Variants in DST observed in about 807,000 individuals in gnomAD.
DST encodes the protein dystonin.
In DST, 253 loss-of-function variants were observed where a neutral mutation model predicts 875.2. The observed-to-expected ratio is 0.29, with a 90% CI of 0.26 to 0.32. The LOEUF (loss-of-function observed/expected upper bound fraction) is 0.32. DST is among the 10% of genes least tolerant of loss of function. DST has a pLI of 1.00. For missense variants in DST, 8,287 were observed against 9,111.6 expected (o/e 0.91, Z 3.68); for synonymous variants, 3,124 against 3,197.1 (o/e 0.98, Z 0.77).
Position 56,471,221 on chromosome 6 carries a change from G to A in DST, c.22206C>T (p.Tyr7402=), listed in dbSNP as rs368918310. 8.1e-6 allele frequency: 13 copies of A among 1,599,228 alleles called. No individual in the cohort carries two copies. Among genetic ancestry groups the A allele is most frequent in the African/African-American group, 4.0e-5 (3 of 74,718 alleles). Residue 7402 remains tyrosine, a synonymous_variant, in exon 95 of 104, where the codon TAC becomes TAT. Transcript: ENST00000680361. ...NFDFDIWRKK[Y]MRWMNHKKSR... is the part of the protein sequence containing the mutation. ...ATTTCTTGTGATTCATCCATCGCATGTATTTTTTGCGCCAGATATCAAAAT... is the reference window on the plus strand; with the variant it reads ...ATTTCTTGTGATTCATCCATCGCATATATTTTTTGCGCCAGATATCAAAAT...
At position 56,746,929 on chromosome 6, in the gene DST, G is replaced by A. The variant is rs112272207; in HGVS notation, c.626-11640C>T. Among the ~76,000 whole-genome samples, 550 of 152,260 alleles carry A rather than the reference G, an allele frequency of 3.6e-3. 2 individuals carry two copies. Among genetic ancestry groups the A allele is most frequent in the African/African-American group, 0.013 (527 of 41,558 alleles). On this transcript the variant is annotated intron_variant, in intron 4 of 103. Transcript: ENST00000680361. ...GACTGGACTTGCTCTTAGGCTGATG[G>A]CTGCAGGAGGGAAGGCAAAGGGGAG...
intron 81 of DST, 68 bp downstream of exon 81, chr6:56,497,788 T>G: frequency 7.3e-7 from 1 of 1,370,440 alleles, no homozygotes; most frequent in Non-Finnish European, 9.8e-7. Context: ...TGTGAACTAA[T>G]AAAAGAATTC....
Position 56,611,439 on chromosome 6 carries a change from C to G in DST, c.5147+69G>C, listed in dbSNP as rs1443135779. The G allele has an allele frequency of 2.8e-6, 3 of 1,064,538 alleles. No homozygotes were observed. The African/African-American group carries it at 4.7e-5, about 17-fold the overall frequency. The allele number at this position is 1,064,538 out of a possible 1,614,324, so 65.9% of individuals were successfully genotyped here. The stretch of plus-strand genomic sequence containing the variant: ...ACATTGCAATTAAAATTTACCACCT[C>G]TGTTTTGCTGAAAGCTTTTAAGAAT... On this transcript the variant is annotated intron_variant, in intron 38 of 103. Coordinates refer to ENST00000680361, the MANE Select transcript of DST (RefSeq NM_001374736.1).
intron 4 of DST, among the ~76,000 whole-genome samples, chr6:56,755,575 G>C (rs980809078): frequency 6.6e-6 from 1 of 152,054 alleles, no homozygotes; most frequent in African/African-American, 2.4e-5. Flanking sequence ...ATCAAGGCTT[G>C]ATCACAGGTC....
At chr6:56,872,484 T>C (rs1158305177) in intron 3 of DST, among the ~76,000 whole-genome samples, 2 of 152,046 alleles carry the variant, frequency 1.3e-5, no homozygotes, top group Non-Finnish European at 2.9e-5. Context: ...ATGGCACCAC[T>C]GCACTCTAGC....
intron 4 of DST, among the ~76,000 whole-genome samples, chr6:56,837,759 G>T (rs1280546292): frequency 6.6e-6 from 1 of 151,990 alleles, no homozygotes; most frequent in African/African-American, 2.4e-5. Flanking sequence ...TCCTCTTGGA[G>T]TTTTCCTCCC....
intron 3 of DST, among the ~76,000 whole-genome samples, chr6:56,877,616 G>A (rs1431455983): frequency 6.6e-6 from 1 of 152,188 alleles, no homozygotes; most frequent in Non-Finnish European, 1.5e-5. Flanking sequence ...CTGTGGCACA[G>A]AGCAAACAAT....
intron 36 of DST, chr6:56,616,223 G>A: frequency 6.2e-7 from 1 of 1,614,078 alleles, no homozygotes. Flanking sequence ...TTTGACCAAG[G>A]CTTTGTCAAT....
chr6:56,685,393 T>G (rs1052455992), intron 9 of DST, among the ~76,000 whole-genome samples: 3 of 152,012 alleles, frequency 2.0e-5, no homozygotes, highest in Non-Finnish European at 4.4e-5. Flanking sequence ...AACAAACATA[T>G]GAAAAAATGC....
Position 56,515,499 on chromosome 6 carries a change from G to A in DST, c.18527C>T (p.Ala6176Val), listed in dbSNP as rs1231799370. ...ETQSIISQLP[A>V]PALEYETLRQ... ...TAGAGTTTCATATTCAAGGGCTGGG[G>A]CGGGAAGCTGAGAGATGATTGATTG... The change falls in exon 72 of 104, where the codon GCC (alanine) becomes GTC (valine). Residue 6176 changes from alanine to valine, a missense_variant. Ala to Val is a moderately conservative substitution (Grantham distance 64). This residue lies in a region of DST where 1,292 missense variants were observed against 1,552.7 expected (regional missense o/e 0.83). Transcript: ENST00000680361. 26 of 1,613,930 alleles carry A rather than the reference G, an allele frequency of 1.6e-5. No individual in the cohort carries two copies. Among genetic ancestry groups the A allele is most frequent in the Non-Finnish European group, 2.2e-5 (26 of 1,179,852 alleles).
rs1339694439 is a variant in DST at position 56,856,312 on chromosome 6, G to C, written c.418-4708C>G. Among the ~76,000 whole-genome samples, 6 of 152,248 alleles carry C rather than the reference G, an allele frequency of 3.9e-5. No individual in the cohort carries two copies. In the East Asian group the frequency reaches 1.2e-3, roughly 29 times the overall value. On this transcript the variant is annotated intron_variant, in intron 3 of 103. Coordinates refer to ENST00000680361, the MANE Select transcript of DST (RefSeq NM_001374736.1). ...TAGGAAAGTGCCAAGAAATTGTCTT[G>C]GCAATAGGCATTCTCTACAGGCAAC...
rs1308940790 is a variant in DST, at chr6:56,851,227, GC to G, written c.625+169del. ...TAGTCACCAGCAGGCAGGGCAAATGGCTCTATCGGTAAAACAAGGCATAAAG... is the reference window on the plus strand; with the variant it reads ...TAGTCACCAGCAGGCAGGGCAAATGGTCTATCGGTAAAACAAGGCATAAAG... On this transcript the variant is annotated intron_variant, in intron 4 of 103. Coordinates refer to ENST00000680361, the MANE Select transcript of DST (RefSeq NM_001374736.1). The G allele has an allele frequency of 9.2e-6, 6 of 652,722 alleles. No homozygotes were observed. In the South Asian group the frequency reaches 1.3e-4, roughly 14 times the overall value. The allele number at this position is 652,722 out of a possible 1,614,324, so 40.4% of individuals were successfully genotyped here. A position where few individuals can be genotyped will look rare whatever the true frequency, so the allele number is the denominator to read the frequency against.
chr6:56,843,433 C>G, intron 4 of DST: 1 of 1,047,094 alleles, frequency 9.6e-7, no homozygotes, highest in African/African-American at 1.7e-5. Flanking sequence ...TCAGCGAGCC[C>G]AGGGGCGGCG....
intron 4 of DST, among the ~76,000 whole-genome samples, chr6:56,809,085 C>G (rs1212863140): frequency 6.6e-6 from 1 of 152,158 alleles, no homozygotes; most frequent in Admixed American, 6.6e-5. Flanking sequence ...GAGGACTCTA[C>G]ACTATTGACT....
At chr6:56,664,278 T>C (rs1009952599) in intron 10 of DST, among the ~76,000 whole-genome samples, 4 of 152,224 alleles carry the variant, frequency 2.6e-5, no homozygotes, top group Non-Finnish European at 5.9e-5. Context: ...CTTTCATTAA[T>C]GTTCTAAGGC....
chr6:56,747,501 C>G (rs1563986222), intron 4 of DST, among the ~76,000 whole-genome samples: 1 of 152,154 alleles, frequency 6.6e-6, no homozygotes, highest in Non-Finnish European at 1.5e-5. Flanking sequence ...CCTACCTGAG[C>G]ATCCTAAAAA....
intron 22 of DST, 144 bp downstream of exon 22, chr6:56,639,115 G>A: frequency 1.4e-6 from 1 of 736,748 alleles, no homozygotes; most frequent in Non-Finnish European, 2.4e-6. Flanking sequence ...AAGGCAATCA[G>A]TACAATTTGT....
At chr6:56,854,554 A>T (rs1210888229) in intron 3 of DST, among the ~76,000 whole-genome samples, 61 of 152,218 alleles carry the variant, frequency 4.0e-4, no homozygotes, top group Admixed American at 4.0e-3. Flanking sequence ...ATAAAGAATG[A>T]TTTCTTAAAA....
chr6:56,727,868 G>A (rs2099472094), intron 5 of DST, among the ~76,000 whole-genome samples: 1 of 152,192 alleles, frequency 6.6e-6, no homozygotes, highest in Non-Finnish European at 1.5e-5. Flanking sequence ...GAGCCAGGAA[G>A]GACGAAGGAC....
Sources: allele counts gnomAD v4.1 joint callset (sites outside exome capture counted in the v4.1 genomes callset), GRCh38; gene constraint gnomAD v4.1.1; regional missense constraint gnomAD v4.1.1; transcripts MANE v1.5; gene names NCBI Gene and HGNC (gene_info 2026-07-23, HGNC 2026-07-21).